The following PLD5 variants were observed in gnomAD, a reference collection of about 807,000 sequenced individuals.
The protein encoded by PLD5 is inactive phospholipase D5.
PLD5 carries 36 observed loss-of-function variants against 61.1 expected under a neutral mutation model. That is an observed-to-expected ratio of 0.59 (90% CI 0.45 to 0.78). The LOEUF is 0.78. Ranked by LOEUF, PLD5 falls within the 30% of genes least tolerant of loss-of-function variation. The probability of loss-of-function intolerance (pLI) is 0.00; values close to 1 mark genes in which losing one functional copy is unlikely to be tolerated. For missense variants in PLD5, 515 were observed against 644.4 expected (o/e 0.80, Z 2.17); for synonymous variants, 243 against 242.8 (o/e 1.00, Z -0.01).
intron 8 of PLD5, among the ~76,000 whole-genome samples, chr1:242,104,636 A>C (rs1660912770): frequency 6.6e-6 from 1 of 152,156 alleles, no homozygotes; most frequent in Non-Finnish European, 1.5e-5. Context: ...TCCCATGTCT[A>C]TAAAATAGGG....
Position 242,138,682 on chromosome 1 carries a change from TG to T in PLD5, c.736-14018del, listed in dbSNP as rs1663932331. Among the ~76,000 whole-genome samples the T allele has an allele frequency of 3.3e-5, 5 of 152,194 alleles. No homozygotes were observed. The South Asian group carries it at 1.0e-3, about 31-fold the overall frequency. ...ATAAAATGAAACTTCTCTCAACTGG[TG>T]GTCTGGAGAAAGGCCAATCTGCTCA... On this transcript the variant is annotated intron_variant, in intron 5 of 9. Coordinates refer to ENST00000536534, the MANE Select transcript of PLD5 (RefSeq NM_001372062.1).
At chr1:242,299,514 G>A (rs1047410835) in intron 2 of PLD5, among the ~76,000 whole-genome samples, 6 of 152,202 alleles carry the variant, frequency 3.9e-5, no homozygotes, top group Non-Finnish European at 7.3e-5. Context: ...TTTAAGCCCA[G>A]CAATATGACT....
chr1:242,524,235 A>T lies in PLD5; in HGVS notation c.42T>A (p.His14Gln). ...RQHEWLSASPHEGFEQMRLKS... is the reference protein window; with the variant it reads ...RQHEWLSASPQEGFEQMRLKS... Reference sequence around the variant, plus strand: ...TGAGCCTCATCTGCTCGAAGCCCTCATGGGGGGAGGCCGAGAGCCACTCGT... The same window carrying T: ...TGAGCCTCATCTGCTCGAAGCCCTCTTGGGGGGAGGCCGAGAGCCACTCGT... The change falls in exon 1 of 10, where the codon CAT becomes CAA. Residue 14 changes from histidine to glutamine, a missense_variant. His to Gln is a conservative substitution (Grantham distance 24). Coordinates refer to ENST00000536534, the MANE Select transcript of PLD5 (RefSeq NM_001372062.1). 1 of 1,517,060 alleles carries T rather than the reference A, an allele frequency of 6.6e-7. No individual in the cohort carries two copies. The highest frequency in any genetic ancestry group is 1.8e-4 in the Middle Eastern group (1 of 5,588). The allele number at this position is 1,517,060 out of a possible 1,614,324, so 94.0% of individuals were successfully genotyped here. A position where few individuals can be genotyped will look rare whatever the true frequency, so the allele number is the denominator to read the frequency against.
At chr1:242,472,091 T>G (rs1667464184) in intron 1 of PLD5, among the ~76,000 whole-genome samples, 1 of 152,166 alleles carries the variant, frequency 6.6e-6, no homozygotes, top group African/African-American at 2.4e-5. Flanking sequence ...AACTTAAAAC[T>G]GTGGAAAAAG....
At chr1:242,480,479 C>A (rs1221853690) in intron 1 of PLD5, among the ~76,000 whole-genome samples, 5 of 149,554 alleles carry the variant, frequency 3.3e-5, no homozygotes, top group Non-Finnish European at 7.5e-5. Context: ...CAACAATAAC[C>A]ATTAAAAAAA....
At chr1:242,494,553 A>C (rs1009712626) in intron 1 of PLD5, among the ~76,000 whole-genome samples, 1 of 152,112 alleles carries the variant, frequency 6.6e-6, no homozygotes, top group Non-Finnish European at 1.5e-5. Flanking sequence ...GCCTCTAGCC[A>C]ACATATCTAC....
chr1:242,453,154 A>G (rs1666841441), intron 1 of PLD5, among the ~76,000 whole-genome samples: 1 of 152,188 alleles, frequency 6.6e-6, no homozygotes, highest in Non-Finnish European at 1.5e-5. Flanking sequence ...AGGAGCCCTC[A>G]TGAACGGGAT....
chr1:242,347,731 A>G (rs536324875), intron 2 of PLD5, among the ~76,000 whole-genome samples: 5 of 152,230 alleles, frequency 3.3e-5, no homozygotes, highest in African/African-American at 1.2e-4. Flanking sequence ...TGAGACGTGT[A>G]TTTTTTAACT....
chr1:242,451,099 G>A (rs114602450), intron 1 of PLD5, among the ~76,000 whole-genome samples: 14 of 152,284 alleles, frequency 9.2e-5, no homozygotes, highest in African/African-American at 3.1e-4. Context: ...CATGGGAAGA[G>A]GCGGCAACAT....
intron 1 of PLD5, among the ~76,000 whole-genome samples, chr1:242,426,866 T>C (rs1267142824): frequency 6.6e-6 from 1 of 152,196 alleles, no homozygotes; most frequent in Non-Finnish European, 1.5e-5. Flanking sequence ...TTCCAGCCAA[T>C]GGCATGTGAG....
chr1:242,490,198 C>CTGTT (rs1668099897), intron 1 of PLD5, among the ~76,000 whole-genome samples: 1 of 152,184 alleles, frequency 6.6e-6, no homozygotes, highest in African/African-American at 2.4e-5. Flanking sequence ...GAAGCAGTCT[C>CTGTT]TGTTAGGTTT....
chr1:242,449,407 C>A, intron 1 of PLD5: 1 of 1,536,022 alleles, frequency 6.5e-7, no homozygotes, highest in South Asian at 1.2e-5. Flanking sequence ...CAGGAGCTGT[C>A]GCTGATGTGC....
intron 2 of PLD5, among the ~76,000 whole-genome samples, chr1:242,314,829 T>C (rs553375386): frequency 6.6e-6 from 1 of 152,132 alleles, no homozygotes; most frequent in Non-Finnish European, 1.5e-5. Flanking sequence ...GCTTTTTTTT[T>C]TTCTAAGTTG....
At position 242,088,927 on chromosome 1, in the gene PLD5, A is replaced by G. The variant is rs1401438591; in HGVS notation, c.*927T>C. The G allele has an allele frequency of 7.5e-6, 1 of 133,038 alleles. No individual in the cohort carries two copies. Among genetic ancestry groups the G allele is most frequent in the East Asian group, 1.7e-4 (1 of 5,982 alleles). 8.2% of individuals were successfully genotyped at this position (133,038 alleles called of 1,614,324 possible). On this transcript the variant is annotated 3_prime_UTR_variant, in exon 10 of 10. Coordinates refer to ENST00000536534, the MANE Select transcript of PLD5 (RefSeq NM_001372062.1). ...TAAAGAAATTAAAATCCACTGACGCATAGAGATTTTTTCCTTTATAATACC... is the reference window on the plus strand; with the variant it reads ...TAAAGAAATTAAAATCCACTGACGCGTAGAGATTTTTTCCTTTATAATACC...
chr1:242,246,478 AAC>A (rs34723926), intron 4 of PLD5, among the ~76,000 whole-genome samples: 17,260 of 141,082 alleles, frequency 0.12, 1,036 homozygotes, highest in African/African-American at 0.13. Flanking sequence ...TAGAAAAGAC[AAC>A]ACACACACAC....
intron 4 of PLD5, among the ~76,000 whole-genome samples, chr1:242,223,809 C>T (rs1337662695): frequency 6.6e-6 from 1 of 151,562 alleles, no homozygotes; most frequent in African/African-American, 2.4e-5. Context: ...TCTCTGAAGA[C>T]ATATGCTTTT....
chr1:242,397,269 T>C (rs548941548), intron 1 of PLD5, among the ~76,000 whole-genome samples: 1 of 152,110 alleles, frequency 6.6e-6, no homozygotes, highest in South Asian at 2.1e-4. Flanking sequence ...TGACTCTTCC[T>C]CCCATAGGCT....
rs138502841 is a variant in PLD5, at chr1:242,448,912, C to T, written c.189+75176G>A. ...CCAGTAAACAGTGAAGCTCACAGAA[C>T]GGTGACAATTCAAAGCAAGCTGCTT... is the stretch of plus-strand genomic sequence containing the variant. On this transcript the variant is annotated intron_variant, in intron 1 of 9. Coordinates refer to ENST00000536534, the MANE Select transcript of PLD5 (RefSeq NM_001372062.1). Among the ~76,000 whole-genome samples, 301 of 152,270 alleles carry T rather than the reference C, an allele frequency of 2.0e-3. 1 individual carries two copies. The highest frequency in any genetic ancestry group is 1.4e-3 in the African/African-American group (59 of 41,558).
intron 5 of PLD5, among the ~76,000 whole-genome samples, chr1:242,141,346 C>A (rs892929): frequency 0.12 from 18,584 of 152,080 alleles, 1,652 homozygotes; most frequent in East Asian, 0.42. Context: ...TCTTCCTCTC[C>A]GACTGCATCT....
Sources: allele counts gnomAD v4.1 joint callset (sites outside exome capture counted in the v4.1 genomes callset), GRCh38; gene constraint gnomAD v4.1.1; transcripts MANE v1.5; gene names NCBI Gene and HGNC (gene_info 2026-07-23, HGNC 2026-07-21).